FAM13A: variants seen among roughly 807,000 people sequenced by gnomAD.
FAM13A encodes family with sequence similarity 13 member A, also known as protein FAM13A.
Under a neutral mutation model 129.6 loss-of-function variants are expected in FAM13A, and 76 were observed. The observed-to-expected ratio is 0.59, with a 90% CI of 0.49 to 0.71. FAM13A has a LOEUF of 0.71. Among genes scored for constraint, FAM13A ranks in the 30% least tolerant of loss-of-function variants. The pLI, the probability that FAM13A is intolerant of heterozygous loss-of-function variation, is 0.00. For synonymous variants in FAM13A, 443 were observed against 449.9 expected (o/e 0.98, Z 0.20); for missense variants, 1,108 against 1,249.3 (o/e 0.89, Z 1.70).
intron 3 of FAM13A, among the ~76,000 whole-genome samples, chr4:88,993,221 G>C (rs1313610650): frequency 1.3e-5 from 2 of 152,160 alleles, no homozygotes; most frequent in Non-Finnish European, 2.9e-5. Flanking sequence ...TAATTAAGTT[G>C]GAGTGATTAA....
At chr4:88,812,471 A>C (rs1222290850) in intron 7 of FAM13A, among the ~76,000 whole-genome samples, 1 of 152,078 alleles carries the variant, frequency 6.6e-6, no homozygotes, top group Admixed American at 6.6e-5. Flanking sequence ...AACCCAACAT[A>C]TCTCTACAAA....
In FAM13A at chr4:88,838,307, TTA is replaced by T. The variant is rs571037712; in HGVS notation, c.1007+12711_1007+12712del. 1.8e-3 allele frequency among the ~76,000 whole-genome samples: 275 copies of T among 152,362 alleles called. 4 individuals are homozygous for T. Among genetic ancestry groups the T allele is most frequent in the East Asian group, 0.011 (59 of 5,190 alleles). On this transcript the variant is annotated intron_variant, in intron 7 of 23. Coordinates refer to ENST00000264344, the MANE Select transcript of FAM13A (RefSeq NM_014883.4). ...TAACAGCTTATTTTATGACTCCATA[TTA>T]TTAAGCACTGAATATGGAAAAGAAG...
chr4:88,942,171 A>G (rs1754865093), intron 4 of FAM13A, among the ~76,000 whole-genome samples: 1 of 152,182 alleles, frequency 6.6e-6, no homozygotes. Context: ...ATTATATGAA[A>G]TATCCTAGAT....
At chr4:88,902,747 A>C (rs1561292311) in intron 6 of FAM13A, among the ~76,000 whole-genome samples, 1 of 152,192 alleles carries the variant, frequency 6.6e-6, no homozygotes, top group Non-Finnish European at 1.5e-5. Context: ...TAATATCAGA[A>C]GTTCTGGTCA....
chr4:89,004,402 G>A (rs1054036398), intron 3 of FAM13A, among the ~76,000 whole-genome samples: 2 of 152,140 alleles, frequency 1.3e-5, no homozygotes, highest in Non-Finnish European at 2.9e-5. Context: ...GCCTCCCAGA[G>A]TGCTGGGATT....
intron 4 of FAM13A, among the ~76,000 whole-genome samples, chr4:88,945,645 C>T (rs1487974405): frequency 6.6e-6 from 1 of 151,414 alleles, no homozygotes; most frequent in African/African-American, 2.4e-5. Context: ...AGCAACATCC[C>T]TAATGCGACT....
At chr4:89,012,444 G>A (rs1765855928) in intron 3 of FAM13A, among the ~76,000 whole-genome samples, 1 of 152,158 alleles carries the variant, frequency 6.6e-6, no homozygotes, top group Non-Finnish European at 1.5e-5. Context: ...GGTATTGTGA[G>A]GCCTCTGAAA....
At chr4:88,868,179 T>C (rs1208641725) in intron 6 of FAM13A, among the ~76,000 whole-genome samples, 4 of 152,142 alleles carry the variant, frequency 2.6e-5, no homozygotes, top group Non-Finnish European at 4.4e-5. Context: ...CTATAATGAA[T>C]ACCCAAACAA....
chr4:88,747,880 A>G (rs763261886), intron 17 of FAM13A, 29 bp from the exon 18 acceptor site: 5 of 1,442,830 alleles, frequency 3.5e-6, no homozygotes, highest in Non-Finnish European at 4.8e-6. Context: ...GGGTAAAGAT[A>G]TATGAGATTT....
intron 3 of FAM13A, among the ~76,000 whole-genome samples, chr4:89,000,858 A>T (rs532360548): frequency 6.6e-6 from 1 of 152,312 alleles, no homozygotes; most frequent in East Asian, 1.9e-4. Context: ...TAAAATGACA[A>T]TTTTTTTAAA....
chr4:88,806,523 A>C (rs1042790820), intron 7 of FAM13A, among the ~76,000 whole-genome samples: 5 of 152,234 alleles, frequency 3.3e-5, no homozygotes, highest in African/African-American at 9.6e-5. Flanking sequence ...GAAGTTGAAT[A>C]GGTCTTAACA....
At chr4:88,854,746 T>TG (rs1247325462) in intron 6 of FAM13A, among the ~76,000 whole-genome samples, 5 of 152,260 alleles carry the variant, frequency 3.3e-5, no homozygotes, top group African/African-American at 1.2e-4. Flanking sequence ...ATACATTCCA[T>TG]GCATGTATCT....
rs1333459193 is a variant in FAM13A at position 88,737,517 on chromosome 4, C to T, written c.2601G>A (p.Gln867=). 2 of 1,614,116 alleles carry T rather than the reference C, an allele frequency of 1.2e-6. No individual in the cohort carries two copies. Among genetic ancestry groups the T allele is most frequent in the Non-Finnish European group, 1.7e-6 (2 of 1,179,986 alleles). The stretch of plus-strand genomic sequence containing the variant: ...AAGCAGTTTCGCCCTCGATAATTGG[C>T]TGCAGCAAAGGGCTTCTCCGCTTGC... ...PSSKRRSPLL[Q]PIIEGETASF... is the part of the protein sequence containing the mutation. The change falls in exon 21 of 24, where the codon CAG becomes CAA. Residue 867 remains glutamine (Q), a synonymous_variant. Coordinates refer to ENST00000264344, the MANE Select transcript of FAM13A (RefSeq NM_014883.4).
In FAM13A at chr4:88,941,148, C is replaced by T. The variant is rs374410839; in HGVS notation, c.606-2907G>A. 2.1e-4 allele frequency among the ~76,000 whole-genome samples: 32 copies of T among 152,250 alleles called. 2 individuals carry two copies. Among genetic ancestry groups the T allele is most frequent in the African/African-American group, 7.7e-4 (32 of 41,546 alleles). ...AAGCACAACAAACCAGATTAAAAATCGAAATGGAGTCACCCATGCTAAAAT... is the reference window on the plus strand; with the variant it reads ...AAGCACAACAAACCAGATTAAAAATTGAAATGGAGTCACCCATGCTAAAAT... On this transcript the variant is annotated intron_variant, in intron 4 of 23. Transcript: ENST00000264344.
At chr4:88,755,453 T>C (rs934698741) in intron 14 of FAM13A, among the ~76,000 whole-genome samples, 1 of 152,194 alleles carries the variant, frequency 6.6e-6, no homozygotes, top group African/African-American at 2.4e-5. Context: ...TATTTAAAGA[T>C]GGAAAACCAG....
At chr4:89,030,230 AAAC>A (rs1334495289) in intron 1 of FAM13A, among the ~76,000 whole-genome samples, 12 of 152,142 alleles carry the variant, frequency 7.9e-5, no homozygotes, top group Non-Finnish European at 4.4e-5. Context: ...CAAATCTTTG[AAAC>A]AACAACATTT....
At chr4:89,035,130 A>T (rs893325173) in intron 1 of FAM13A, among the ~76,000 whole-genome samples, 1 of 152,080 alleles carries the variant, frequency 6.6e-6, no homozygotes, top group African/African-American at 2.4e-5. Flanking sequence ...GAAACAGAAA[A>T]CCAAATACAG....
At chr4:88,876,433 G>A (rs543182242) in intron 6 of FAM13A, among the ~76,000 whole-genome samples, 77 of 152,234 alleles carry the variant, frequency 5.1e-4, no homozygotes, top group African/African-American at 1.7e-3. Context: ...TCAGTGAAAT[G>A]GAGGAATAAA....
intron 1 of FAM13A, among the ~76,000 whole-genome samples, chr4:89,039,803 A>T (rs1769872038): frequency 6.6e-6 from 1 of 151,966 alleles, no homozygotes; most frequent in Admixed American, 6.6e-5. Context: ...AATTTTTTTT[A>T]ATTATCTGGG....
Sources: allele counts gnomAD v4.1 joint callset (sites outside exome capture counted in the v4.1 genomes callset), GRCh38; gene constraint gnomAD v4.1.1; transcripts MANE v1.5; gene names NCBI Gene and HGNC (gene_info 2026-07-23, HGNC 2026-07-21).